Variants in ACVR1B observed in about 807,000 individuals in gnomAD.
ACVR1B encodes the protein activin receptor type-1B.
A neutral mutation model predicts 55.6 loss-of-function variants in ACVR1B; 15 were observed. The ratio of observed to expected loss-of-function variants is 0.27; its 90% confidence interval spans 0.18 to 0.42. The LOEUF is 0.42. ACVR1B is among the 10% of genes least tolerant of loss of function. The pLI is 1.00. For missense variants in ACVR1B, 359 were observed against 670.1 expected, an observed-to-expected ratio of 0.54 and a Z score of 5.13; for synonymous variants, 247 against 254.6, an observed-to-expected ratio of 0.97 and a Z score of 0.28.
intron 1 of ACVR1B, among the ~76,000 whole-genome samples, chr12:51,954,022 C>G (rs180996731): frequency 4.1e-4 from 62 of 152,306 alleles, no homozygotes; most frequent in Middle Eastern, 6.8e-3. Flanking sequence ...GCTATGGAGA[C>G]CACTGCTGCA....
intron 7 of ACVR1B, chr12:51,987,273 C>G (rs1942098765): frequency 1.6e-6 from 1 of 612,132 alleles, no homozygotes; most frequent in African/African-American, 1.9e-5. Flanking sequence ...TGGTCTCCTT[C>G]ACATCAGAAG....
At chr12:51,990,957 C>T (rs1345889874) in intron 7 of ACVR1B, among the ~76,000 whole-genome samples, 1 of 152,206 alleles carries the variant, frequency 6.6e-6, no homozygotes, top group East Asian at 1.9e-4. Context: ...GTATCCTTCA[C>T]AGGGGTTCCT....
At chr12:51,971,155 T>C (rs1290449275) in intron 1 of ACVR1B, among the ~76,000 whole-genome samples, 1 of 152,194 alleles carries the variant, frequency 6.6e-6, no homozygotes, top group East Asian at 1.9e-4. Context: ...GTTAGGCGCC[T>C]CTATAACACG....
rs1942052493 is a variant in ACVR1B at position 51,985,129 on chromosome 12, T to TAGTCA, written c.980-59_980-58insAAGTC. The TAGTCA allele has an allele frequency of 4.0e-5, 60 of 1,510,524 alleles. 1 individual carries two copies. In the South Asian group the frequency reaches 7.0e-4, roughly 18 times the overall value. The allele number at this position is 1,510,524 out of a possible 1,614,324, so 93.6% of individuals were successfully genotyped here. The stretch of plus-strand genomic sequence containing the variant: ...CTCAAACCTATACAGTCTGGCTGCA[T>TAGTCA]AGTCTATGCTTTTAACATTTATATC... On this transcript the variant is annotated intron_variant, in intron 5 of 8. Transcript: ENST00000257963.
intron 7 of ACVR1B, chr12:51,987,639 T>C (rs1942107139): frequency 6.3e-6 from 1 of 158,118 alleles, no homozygotes; most frequent in African/African-American, 2.4e-5. Context: ...TGAAAGTGAT[T>C]GAAAAAAAGA....
intron 1 of ACVR1B, among the ~76,000 whole-genome samples, chr12:51,962,489 A>C (rs949331397): frequency 6.6e-6 from 1 of 152,158 alleles, no homozygotes; most frequent in Non-Finnish European, 1.5e-5. Context: ...GATGATTGTA[A>C]AAGGTGAAAA....
intron 1 of ACVR1B, among the ~76,000 whole-genome samples, chr12:51,962,689 C>G (rs1941558302): frequency 1.3e-5 from 2 of 152,074 alleles, no homozygotes; most frequent in Non-Finnish European, 2.9e-5. Context: ...CATTTTTTAA[C>G]CTGATTCAGA....
At chr12:51,993,149 G>A (rs982491224) in intron 8 of ACVR1B, among the ~76,000 whole-genome samples, 10 of 152,340 alleles carry the variant, frequency 6.6e-5, no homozygotes, top group African/African-American at 2.4e-4. Context: ...AGTGAGAGCA[G>A]TTGAGACCTA....
intron 7 of ACVR1B, among the ~76,000 whole-genome samples, chr12:51,990,731 A>G (rs116945231): frequency 9.0e-4 from 137 of 152,268 alleles, no homozygotes; most frequent in Non-Finnish European, 1.6e-3. Flanking sequence ...CAGTTGATGA[A>G]TACACCTCCT....
At chr12:51,978,568 G>A (rs1186375969) in intron 3 of ACVR1B, among the ~76,000 whole-genome samples, 4 of 151,754 alleles carry the variant, frequency 2.6e-5, no homozygotes, top group African/African-American at 4.8e-5. Context: ...GGTGGCTCAC[G>A]CCTGTAATCC....
intron 2 of ACVR1B, 98 bp downstream of exon 2, chr12:51,975,602 G>A (rs1389730206): frequency 1.4e-6 from 2 of 1,452,254 alleles, no homozygotes; most frequent in Non-Finnish European, 1.9e-6. Flanking sequence ...TTGGTTTGAC[G>A]ATAAAGATGC....
intron 3 of ACVR1B, among the ~76,000 whole-genome samples, 200 bp from the exon 4 acceptor site, chr12:51,980,769 T>A (rs980143391): frequency 1.3e-4 from 20 of 152,226 alleles, no homozygotes; most frequent in African/African-American, 4.8e-4. Context: ...TGTTCACTCT[T>A]TCCCCATCTC....
chr12:51,972,590 TA>T lies in ACVR1B; in HGVS notation c.92-2674del, dbSNP rs545813341. 2.0e-3 allele frequency among the ~76,000 whole-genome samples: 308 copies of T among 152,284 alleles called. 1 individual carries two copies. Among genetic ancestry groups the T allele is most frequent in the Non-Finnish European group, 3.3e-3 (227 of 68,022 alleles). The stretch of plus-strand genomic sequence containing the variant: ...ACGCTGCACATTAACAGCCCCACTT[TA>T]CAGATTAGGAAACGGGTGCGAGAAG... On this transcript the variant is annotated intron_variant, in intron 1 of 8. Transcript: ENST00000257963.
intron 1 of ACVR1B, among the ~76,000 whole-genome samples, chr12:51,967,423 G>A (rs1029473446): frequency 2.0e-5 from 3 of 152,032 alleles, no homozygotes; most frequent in African/African-American, 7.3e-5. Flanking sequence ...GTTGGGTGTG[G>A]TGGCGGGCGC....
intron 8 of ACVR1B, 154 bp downstream of exon 8, chr12:51,992,147 T>A: frequency 9.3e-6 from 9 of 969,916 alleles, no homozygotes; most frequent in Non-Finnish European, 1.1e-5. Context: ...CCAAGCCCTT[T>A]AGGGCTACAG....
chr12:51,980,837 T>C (rs913397778), intron 3 of ACVR1B, 132 bp from the exon 4 acceptor site: 2 of 713,382 alleles, frequency 2.8e-6, no homozygotes, highest in African/African-American at 3.6e-5. Context: ...CAGCAGCAGC[T>C]CTCCATGGTT....
At chr12:51,976,622 T>C (rs1331906373) in intron 3 of ACVR1B, 47 bp downstream of exon 3, 2 of 1,605,160 alleles carry the variant, frequency 1.2e-6, no homozygotes, top group Admixed American at 3.3e-5. Context: ...CTTTCATCAG[T>C]TTCCCAGCAG....
intron 7 of ACVR1B, among the ~76,000 whole-genome samples, chr12:51,990,518 G>A (rs1036085303): frequency 2.6e-5 from 4 of 151,868 alleles, no homozygotes; most frequent in Admixed American, 2.6e-4. Context: ...GTTTTGCCAT[G>A]TTGCCCAGGC....
At chr12:51,968,583 G>A (rs1941686796) in intron 1 of ACVR1B, among the ~76,000 whole-genome samples, 1 of 152,172 alleles carries the variant, frequency 6.6e-6, no homozygotes, top group Admixed American at 6.5e-5. Flanking sequence ...TTGAATTTGG[G>A]TGGAGGCTTG....
Sources: allele counts gnomAD v4.1 joint callset (sites outside exome capture counted in the v4.1 genomes callset), GRCh38; gene constraint gnomAD v4.1.1; transcripts MANE v1.5; gene names NCBI Gene and HGNC (gene_info 2026-07-23, HGNC 2026-07-21).